The following RCC1 variants were observed in gnomAD, a reference collection of about 807,000 sequenced individuals.
RCC1 encodes the protein regulator of chromosome condensation.
Under a neutral mutation model 44.4 loss-of-function variants are expected in RCC1, and 11 were observed. The ratio of observed to expected loss-of-function variants is 0.25; its 90% CI spans 0.16 to 0.41. The LOEUF (loss-of-function observed/expected upper bound fraction) is 0.41, where lower values mean the gene tolerates loss of function less well. Among genes scored for constraint, RCC1 ranks in the 10% least tolerant of loss-of-function variants. The probability of loss-of-function intolerance (pLI) is 1.00; values close to 1 mark genes in which losing one functional copy is unlikely to be tolerated. For synonymous variants in RCC1, 213 were observed against 216.5 expected, an observed-to-expected ratio of 0.98 and a Z score of 0.14; for missense variants, 386 against 547.1, an observed-to-expected ratio of 0.71 and a Z score of 2.94.
chr1:28,530,257 C>T (rs1023728494), intron 5 of RCC1, among the ~76,000 whole-genome samples: 22 of 152,160 alleles, frequency 1.4e-4, no homozygotes, highest in African/African-American at 5.3e-4. Context: ...CAAGTCCTTG[C>T]TCTGCCACTT....
At chr1:28,533,770 CAAAAA>C (rs747565890) in intron 7 of RCC1, among the ~76,000 whole-genome samples, 24 of 31,984 alleles carry the variant, frequency 7.5e-4, no homozygotes, top group Admixed American at 3.4e-3. Flanking sequence ...AACTCTGTCT[CAAAAA>C]AAAAAAAAAA....
At position 28,531,903 on chromosome 1, in the gene RCC1, G is replaced by A. The variant is rs1393809936; in HGVS notation, c.174G>A (p.Lys58=). Residue 58 remains lysine (K), a synonymous_variant, in exon 6 of 13, where the codon AAG becomes AAA. Transcript: ENST00000683442. ...LGLGENVMER[K]KPALVSIPED... ...TGGGTGAGAATGTGATGGAGAGGAAGAAGCCGGCCCTGGTATCCATTCCGG... is the reference window on the plus strand; with the variant it reads ...TGGGTGAGAATGTGATGGAGAGGAAAAAGCCGGCCCTGGTATCCATTCCGG... The A allele has an allele frequency of 1.9e-6, 3 of 1,609,926 alleles. No homozygotes were observed. The highest frequency in any genetic ancestry group is 2.5e-6 in the Non-Finnish European group (3 of 1,177,988).
intron 3 of RCC1, 147 bp from the exon 4 acceptor site, chr1:28,516,578 T>C (rs1224850620): frequency 1.3e-5 from 3 of 227,018 alleles, no homozygotes; most frequent in South Asian, 5.0e-5. Context: ...TTTACCTCTT[T>C]AAACTTCAGT....
Position 28,536,302 on chromosome 1 carries a change from A to G in RCC1, c.858A>G (p.Leu286=). Residue 286 remains leucine (L), a synonymous_variant, in exon 11 of 13, where the codon CTA becomes CTG. Transcript: ENST00000683442. The surrounding 1 kb of genome is among the most constrained non-coding windows in gnomAD (Gnocchi z 4.9). ...AATCTTGCTTCATACCCCAGAACCT[A>G]ACATCCTTCAAGAATTCCACCAAGT... The part of the protein sequence containing the change: ...GTESCFIPQN[L]TSFKNSTKSW... The G allele has an allele frequency of 6.2e-7, 1 of 1,614,078 alleles. No individual in the cohort carries two copies. Among genetic ancestry groups the G allele is most frequent in the East Asian group, 2.2e-5 (1 of 44,882 alleles).
At position 28,530,682 on chromosome 1, in the gene RCC1, G is replaced by C. The variant is rs1004609296; in HGVS notation, c.73+743G>C. ...GCTCCTCAGCGGTGGCCACATCCTC[G>C]GGGGAGGGGCTGGGCGCCATTGGCT... On this transcript the variant is annotated intron_variant, in intron 5 of 12. Coordinates refer to ENST00000683442, the MANE Select transcript of RCC1 (RefSeq NM_001381865.2). 3 of 1,369,902 alleles carry C rather than the reference G, an allele frequency of 2.2e-6. No individual in the cohort carries two copies. The African/African-American group carries it at 4.3e-5, about 20-fold the overall frequency. The allele number at this position is 1,369,902 out of a possible 1,614,324, so 84.9% of individuals were successfully genotyped here. A position where few individuals can be genotyped will look rare whatever the true frequency, so the allele number is the denominator to read the frequency against.
At chr1:28,514,629 C>T (rs953080253) in intron 3 of RCC1, among the ~76,000 whole-genome samples, 1 of 151,866 alleles carries the variant, frequency 6.6e-6, no homozygotes, top group Non-Finnish European at 1.5e-5. Flanking sequence ...GGCATGGTGG[C>T]ACATGCCTAT....
rs41270839 is a variant in RCC1, at chr1:28,508,074, G to C, written c.-261-54G>C. On this transcript the variant is annotated intron_variant, in intron 1 of 12. Transcript: ENST00000683442. ...CCCAGGCGATAGCATGAGGCCCCTC[G>C]TTGAAAAAGTTTAGGGTTTTGCTGT... is the stretch of plus-strand genomic sequence containing the variant. 1.4e-4 allele frequency: 57 copies of C among 417,280 alleles called. 1 individual carries two copies. Among genetic ancestry groups the C allele is most frequent in the South Asian group, 9.2e-4 (56 of 60,684 alleles). The allele number at this position is 417,280 out of a possible 1,614,324, so 25.8% of individuals were successfully genotyped here.
At chr1:28,514,537 G>A (rs1227290279) in intron 3 of RCC1, among the ~76,000 whole-genome samples, 3 of 150,842 alleles carry the variant, frequency 2.0e-5, no homozygotes, top group African/African-American at 4.9e-5. Context: ...TGAGACTGGC[G>A]GATCACCTGA....
intron 2 of RCC1, 129 bp from the exon 3 acceptor site, chr1:28,508,701 C>T: frequency 1.9e-6 from 1 of 519,064 alleles, no homozygotes; most frequent in South Asian, 1.4e-5. Flanking sequence ...CCTGCATATT[C>T]CTACAGCTTC....
chr1:28,510,070 C>T (rs971719434), intron 3 of RCC1: 1 of 152,176 alleles, frequency 6.6e-6, no homozygotes, highest in African/African-American at 2.4e-5. Context: ...GTTCAGTACC[C>T]TGAAGGATGG....
intron 7 of RCC1, among the ~76,000 whole-genome samples, chr1:28,533,037 C>T (rs1196384660): frequency 1.3e-5 from 2 of 152,098 alleles, no homozygotes; most frequent in Non-Finnish European, 2.9e-5. Context: ...TGGTCTCGAA[C>T]TCCCGACCCC....
At chr1:28,529,062 A>G (rs987487621) in intron 4 of RCC1, among the ~76,000 whole-genome samples, 35 of 135,668 alleles carry the variant, frequency 2.6e-4, no homozygotes, top group African/African-American at 9.2e-4. Context: ...TTTGGTGGCG[A>G]CGGGGTTTCA....
intron 1 of RCC1, 67 bp from the exon 2 acceptor site, chr1:28,508,061 C>A: frequency 2.4e-6 from 1 of 412,946 alleles, no homozygotes. Context: ...CAGGCGATAG[C>A]ATGAGGCCCC....
At chr1:28,531,407 C>G (rs2124656389) in intron 5 of RCC1, among the ~76,000 whole-genome samples, 1 of 151,894 alleles carries the variant, frequency 6.6e-6, no homozygotes, top group Admixed American at 6.6e-5. Flanking sequence ...GCTGAGATTA[C>G]AGGCTACTGT....
At chr1:28,520,748 T>C (rs1318174158) in intron 4 of RCC1, among the ~76,000 whole-genome samples, 1 of 152,016 alleles carries the variant, frequency 6.6e-6, no homozygotes, top group Non-Finnish European at 1.5e-5. Context: ...GCCAACTCCT[T>C]ATTCCCAGCC....
At chr1:28,531,087 T>G (rs904767048) in intron 5 of RCC1, among the ~76,000 whole-genome samples, 1 of 151,934 alleles carries the variant, frequency 6.6e-6, no homozygotes, top group Non-Finnish European at 1.5e-5. Flanking sequence ...AAATTAGCCT[T>G]GCGCGGTGGC....
chr1:28,535,913 G>A lies in RCC1; in HGVS notation c.704G>A (p.Gly235Glu), dbSNP rs1664521943. ...VPKCVMLKSR[G>E]SRGHVRFQDA... is the part of the protein sequence containing the mutation. ...AAGTGTGTGATGCTGAAATCCAGGG[G>A]AAGCCGGGGCCACGTGAGATTCCAG... The change falls in exon 10 of 13, where the codon GGA (glycine) becomes GAA (glutamate). Residue 235 changes from glycine to glutamate, a missense_variant. Gly to Glu is a moderately conservative substitution (Grantham distance 98, BLOSUM62 -2). Transcript: ENST00000683442. The A allele has an allele frequency of 6.2e-7, 1 of 1,613,988 alleles. No individual in the cohort carries two copies. Among genetic ancestry groups the A allele is most frequent in the African/African-American group, 1.3e-5 (1 of 74,904 alleles).
chr1:28,507,480 A>G (rs1488078933), intron 1 of RCC1: 1 of 519,190 alleles, frequency 1.9e-6, no homozygotes, highest in Admixed American at 1.9e-5. Context: ...TTGGAAATAA[A>G]GCTGGGCCTC....
At chr1:28,512,712 A>G (rs1662638237) in intron 3 of RCC1, among the ~76,000 whole-genome samples, 1 of 152,136 alleles carries the variant, frequency 6.6e-6, no homozygotes, top group Non-Finnish European at 1.5e-5. Flanking sequence ...TCATTTCAAA[A>G]TATTTTTGAG....
Sources: gnomAD v4.1 joint callset for allele counts (sites outside exome capture counted in the v4.1 genomes callset) on GRCh38, gnomAD v4.1.1 for gene constraint, Gnocchi (gnomAD v3.1) non-coding constraint, MANE v1.5 for transcripts, NCBI Gene and HGNC (gene_info 2026-07-23, HGNC 2026-07-21) for gene names.